The following CFAP263 variants were observed in gnomAD, a reference collection of about 807,000 sequenced individuals.
The protein encoded by CFAP263 is cilia and flagella associated protein 263.
At chr16:58,278,496 C>T in the CFAP263 span, 1,426 of 1,614,040 alleles carry the variant, frequency 8.8e-4, 1 homozygote, top group Non-Finnish European at 1.1e-3. Flanking sequence ...GGGCCAAAGC[C>T]GAGGCAGTGA....
chr16:58,265,061 G>A, the CFAP263 span, among the ~76,000 whole-genome samples: 1 of 152,330 alleles, frequency 6.6e-6, no homozygotes, highest in South Asian at 2.1e-4. Context: ...CTGGTAAAAT[G>A]TAAGCATGTG....
the CFAP263 span, among the ~76,000 whole-genome samples, chr16:58,253,686 C>T: frequency 2.0e-5 from 3 of 152,204 alleles, no homozygotes; most frequent in Non-Finnish European, 2.9e-5. Context: ...TGAGCTTTCC[C>T]CTGTCTTTGA....
the CFAP263 span, among the ~76,000 whole-genome samples, chr16:58,255,715 C>G: frequency 3.3e-5 from 5 of 152,068 alleles, no homozygotes. Flanking sequence ...CCTGCCGCCA[C>G]CACACCCAGC....
At chr16:58,272,999 T>G in the CFAP263 span, among the ~76,000 whole-genome samples, 2 of 152,186 alleles carry the variant, frequency 1.3e-5, no homozygotes, top group Non-Finnish European at 1.5e-5. Context: ...TTTTTTTCTT[T>G]TCAGCCCATT....
At chr16:58,261,341 G>A in the CFAP263 span, among the ~76,000 whole-genome samples, 1 of 152,212 alleles carries the variant, frequency 6.6e-6, no homozygotes, top group Non-Finnish European at 1.5e-5. Flanking sequence ...ACTGTCTGCA[G>A]ATCATCAGTT....
At chr16:58,262,320 T>C in the CFAP263 span, 2 of 1,455,370 alleles carry the variant, frequency 1.4e-6, no homozygotes, top group Non-Finnish European at 1.9e-6. Flanking sequence ...AGTTGCAAGA[T>C]GTGAGCCATA....
the CFAP263 span, chr16:58,280,693 A>T: frequency 8.4e-5 from 135 of 1,613,732 alleles, no homozygotes; most frequent in Non-Finnish European, 1.1e-4. Context: ...GAAGTTCAGG[A>T]CTCCTCTCAG....
the CFAP263 span, among the ~76,000 whole-genome samples, chr16:58,262,763 GTAGATAGATAGATAGATAGATAGA>G: frequency 3.8e-5 from 3 of 78,508 alleles, no homozygotes; most frequent in African/African-American, 4.7e-5. Context: ...TAGATGATAG[GTAGATAGATAGATAGATAGATAGA>G]TAGATAGATA....
chr16:58,271,850 C>A, the CFAP263 span, among the ~76,000 whole-genome samples: 8 of 152,138 alleles, frequency 5.3e-5, no homozygotes, highest in Non-Finnish European at 1.2e-4. Context: ...CCCTCCTTTC[C>A]ATACCGTACT....
chr16:58,252,090 G>T, the CFAP263 span, among the ~76,000 whole-genome samples: 2 of 152,142 alleles, frequency 1.3e-5, no homozygotes, highest in African/African-American at 4.8e-5. Context: ...TTCAGGTTGG[G>T]CACAGTGGCT....
the CFAP263 span, among the ~76,000 whole-genome samples, chr16:58,279,016 ATCAC>A: frequency 6.6e-6 from 1 of 152,128 alleles, no homozygotes; most frequent in Non-Finnish European, 1.5e-5. Flanking sequence ...ATTTTTTAAT[ATCAC>A]TCAGGACCTC....
At chr16:58,257,587 T>A in the CFAP263 span, among the ~76,000 whole-genome samples, 1 of 151,882 alleles carries the variant, frequency 6.6e-6, no homozygotes, top group African/African-American at 2.4e-5. Context: ...GCACCATACC[T>A]GACTTTATAA....
At chr16:58,269,054 A>C in the CFAP263 span, among the ~76,000 whole-genome samples, 1 of 152,070 alleles carries the variant, frequency 6.6e-6, no homozygotes, top group Non-Finnish European at 1.5e-5. Context: ...TCCCCACAGG[A>C]CAGGTGCAGT....
chr16:58,262,458 A>G, the CFAP263 span: 1 of 1,613,094 alleles, frequency 6.2e-7, no homozygotes, highest in South Asian at 1.1e-5. Flanking sequence ...CAATTTCTTG[A>G]GACAATTGAA....
At chr16:58,250,812 G>A in the CFAP263 span, among the ~76,000 whole-genome samples, 17 of 151,192 alleles carry the variant, frequency 1.1e-4, no homozygotes, top group African/African-American at 3.9e-4. Flanking sequence ...CACGGCAGCA[G>A]AATAGAAAGC....
At chr16:58,255,520 A>G in the CFAP263 span, among the ~76,000 whole-genome samples, 11 of 151,916 alleles carry the variant, frequency 7.2e-5, no homozygotes, top group Admixed American at 2.0e-4. Context: ...ACCTAATATT[A>G]ACCATCACAG....
chr16:58,262,000 A>G, the CFAP263 span, among the ~76,000 whole-genome samples: 1 of 152,070 alleles, frequency 6.6e-6, no homozygotes, highest in Non-Finnish European at 1.5e-5. Flanking sequence ...CTGTTTAGGC[A>G]ACACCCACTG....
chr16:58,250,502 C>G, the CFAP263 span: 2 of 161,630 alleles, frequency 1.2e-5, no homozygotes, highest in Admixed American at 6.1e-5. Context: ...CGGTGGCTCA[C>G]GCCTGTAATC....
At chr16:58,279,799 C>T in the CFAP263 span, 1 of 1,550,720 alleles carries the variant, frequency 6.4e-7, no homozygotes, top group Non-Finnish European at 8.9e-7. Context: ...CCACGGCTTA[C>T]AGACCACTAC....
Sources: allele counts gnomAD v4.1 joint callset (sites outside exome capture counted in the v4.1 genomes callset), GRCh38; gene constraint gnomAD v4.1.1; transcripts MANE v1.5; gene names NCBI Gene and HGNC (gene_info 2026-07-23, HGNC 2026-07-21).